Variants in ZNF544 observed in about 807,000 individuals in gnomAD.
ZNF544 encodes the protein zinc finger protein 544.
In ZNF544, 10 loss-of-function variants were observed where a neutral mutation model predicts 13.5. The ratio of observed to expected loss-of-function variants is 0.74; its 90% confidence interval spans 0.46 to 1.25. The LOEUF (loss-of-function observed/expected upper bound fraction) is 1.25, where lower values mean the gene tolerates loss of function less well. ZNF544 is among the 50% of genes most tolerant of loss of function. The pLI, the probability that ZNF544 is intolerant of heterozygous loss-of-function variation, is 0.00. For synonymous variants in ZNF544, 323 were observed against 300.5 expected (o/e 1.07, Z -0.77); for missense variants, 896 against 845.6 (o/e 1.06, Z -0.74).
chr19:58,274,873 A>G (rs1224940038), intron 5 of ZNF544, among the ~76,000 whole-genome samples: 1 of 152,132 alleles, frequency 6.6e-6, no homozygotes, highest in Admixed American at 6.6e-5. Context: ...TGAGAGAGGA[A>G]TAGCACTGGG....
downstream of ZNF544, among the ~76,000 whole-genome samples, chr19:58,264,739 C>T (rs190351959): frequency 3.2e-4 from 49 of 152,208 alleles, no homozygotes; most frequent in African/African-American, 1.2e-3. Flanking sequence ...TGTAATGGCT[C>T]ATGCCTGTAA....
chr19:58,241,382 C>G (rs2043820647), intron 3 of ZNF544, among the ~76,000 whole-genome samples: 1 of 150,744 alleles, frequency 6.6e-6, no homozygotes, highest in African/African-American at 2.4e-5. Flanking sequence ...CTCTGTCTTG[C>G]AAGTTGAATA....
At chr19:58,239,898 C>CAAAA (rs58006684) in intron 3 of ZNF544, among the ~76,000 whole-genome samples, 1 of 127,278 alleles carries the variant, frequency 7.9e-6, no homozygotes, top group Non-Finnish European at 1.7e-5. Context: ...GACTCCATCT[C>CAAAA]AAAAAAAAAA....
downstream of ZNF544, chr19:58,267,676 TAAA>T (rs56839702): frequency 3.7e-5 from 4 of 108,968 alleles, no homozygotes; most frequent in East Asian, 2.7e-4. Context: ...AGACTCCATC[TAAA>T]AAAAAAAAAA....
chr19:58,229,083 A>T (rs1441048143), intron 1 of ZNF544, 137 bp downstream of exon 1: 1 of 152,520 alleles, frequency 6.6e-6, no homozygotes, highest in Non-Finnish European at 1.5e-5. Context: ...GGGGTCCCTC[A>T]TGCGGCGAGG....
In ZNF544 at chr19:58,262,640, T is replaced by C. The variant is rs1224594701; in HGVS notation, c.2034T>C (p.His678=). 3 of 1,614,152 alleles carry C rather than the reference T, an allele frequency of 1.9e-6. No individual in the cohort carries two copies. The African/African-American group carries it at 4.0e-5, about 22-fold the overall frequency. Residue 678 remains histidine (H), a synonymous_variant, in exon 7 of 7, where the codon CAT becomes CAC. Coordinates refer to ENST00000687789, the MANE Select transcript of ZNF544 (RefSeq NM_014480.4). ...CAGGGAGCTCTAACCTTCTTTCCCA[T>C]CACAGAATTCATTCTGGAGAGAAAC... ...AFSGSSNLLS[H]HRIHSGEKPY...
In ZNF544 at chr19:58,261,436, A is replaced by G. The variant is rs1243791840; in HGVS notation, c.830A>G (p.Asn277Ser). The change falls in exon 7 of 7, where the codon AAC becomes AGC. Residue 277 changes from asparagine to serine, a missense_variant. Coordinates refer to ENST00000687789, the MANE Select transcript of ZNF544 (RefSeq NM_014480.4). ...AGTGATGACTGTAAGGATTATGGAA[A>G]CCTCTTCAGTCACAGTGTGTCTCTG... Reference protein sequence around the residue: ...KKSDDCKDYGNLFSHSVSLNE... With the variant: ...KKSDDCKDYGSLFSHSVSLNE... 1.2e-6 allele frequency: 2 copies of G among 1,613,442 alleles called. No individual in the cohort carries two copies. The highest frequency in any genetic ancestry group is 4.5e-5 in the East Asian group (2 of 44,862).
Position 58,261,880 on chromosome 19 carries a change from C to T in ZNF544, c.1274C>T (p.Thr425Ile), listed in dbSNP as rs1269716047. The change falls in exon 7 of 7, where the codon ACA (threonine) becomes ATA (isoleucine). Residue 425 changes from threonine (T) to isoleucine (I), a missense_variant. Coordinates refer to ENST00000687789, the MANE Select transcript of ZNF544 (RefSeq NM_014480.4). ...TTCACCCAGAGATCCAAACTTATTA[C>T]ACATCAGCGAATTCACACTGGAGAA... Reference protein sequence around the residue: ...KSFTQRSKLITHQRIHTGEKP... With the variant: ...KSFTQRSKLIIHQRIHTGEKP... 1 of 1,612,620 alleles carries T rather than the reference C, an allele frequency of 6.2e-7. No individual in the cohort carries two copies. The highest frequency in any genetic ancestry group is 8.5e-7 in the Non-Finnish European group (1 of 1,179,720).
At chr19:58,264,326 G>A (rs1320857533), downstream of ZNF544, among the ~76,000 whole-genome samples, 1 of 147,678 alleles carries the variant, frequency 6.8e-6, no homozygotes, top group African/African-American at 2.5e-5. Context: ...AGAGGTTGCA[G>A]TGAACCAAGA....
chr19:58,236,559 A>G (rs1177567880), intron 3 of ZNF544, among the ~76,000 whole-genome samples: 1 of 151,786 alleles, frequency 6.6e-6, no homozygotes, highest in South Asian at 2.1e-4. Context: ...CATCATTTTG[A>G]GATATATACT....
At chr19:58,243,668 T>G (rs888681546) in intron 3 of ZNF544, among the ~76,000 whole-genome samples, 4 of 152,102 alleles carry the variant, frequency 2.6e-5, no homozygotes, top group African/African-American at 9.7e-5. Flanking sequence ...AAATGTACAA[T>G]TACTTAGACA....
At chr19:58,259,715 T>C (rs1465773536) in intron 6 of ZNF544, 1 of 152,186 alleles carries the variant, frequency 6.6e-6, no homozygotes, top group Non-Finnish European at 1.5e-5. Flanking sequence ...TGTGATTACA[T>C]TTAGAGCCCC....
At chr19:58,253,367 C>A (rs2046627474) in intron 6 of ZNF544, among the ~76,000 whole-genome samples, 1 of 152,108 alleles carries the variant, frequency 6.6e-6, no homozygotes, top group Non-Finnish European at 1.5e-5. Flanking sequence ...GAAAAAAAGC[C>A]TCAAAGTTAA....
chr19:58,274,942 C>A (rs1406921090), intron 5 of ZNF544, among the ~76,000 whole-genome samples: 1 of 152,038 alleles, frequency 6.6e-6, no homozygotes, highest in East Asian at 1.9e-4. Flanking sequence ...GGCAAAGAAA[C>A]CACAGAATAA....
intron 5 of ZNF544, among the ~76,000 whole-genome samples, chr19:58,270,815 T>A (rs1048707921): frequency 6.6e-6 from 1 of 152,126 alleles, no homozygotes; most frequent in African/African-American, 2.4e-5. Flanking sequence ...GATATGTAAG[T>A]TTATTTAGAA....
intron 6 of ZNF544, among the ~76,000 whole-genome samples, chr19:58,255,851 C>T (rs1250764889): frequency 6.6e-6 from 1 of 152,194 alleles, no homozygotes; most frequent in Non-Finnish European, 1.5e-5. Flanking sequence ...GGCAGCTATC[C>T]CCATTTACGC....
intron 5 of ZNF544, among the ~76,000 whole-genome samples, chr19:58,269,867 G>A (rs1266485806): frequency 6.6e-6 from 1 of 152,164 alleles, no homozygotes; most frequent in Non-Finnish European, 1.5e-5. Flanking sequence ...GTTGCAATGA[G>A]TCTAGATCAT....
At position 58,262,540 on chromosome 19, in the gene ZNF544, C is replaced by G; in HGVS notation, c.1934C>G (p.Ser645Cys). The G allele has an allele frequency of 6.2e-7, 1 of 1,614,128 alleles. No individual in the cohort carries two copies. ...TGCAATAAAGCCTTTGCAAGGAGCT[C>G]CTACCTTGTGATGCATCAGAGAACT... ...NQCNKAFARS[S>C]YLVMHQRTHT... Residue 645 changes from serine to cysteine, a missense_variant, in exon 7 of 7, where the codon TCC (serine) becomes TGC (cysteine). Ser to Cys is a moderately radical substitution (Grantham distance 112, BLOSUM62 -1). Transcript: ENST00000687789.
chr19:58,230,309 A>G (rs1260644204), intron 2 of ZNF544, 85 bp from the exon 3 acceptor site: 1 of 152,262 alleles, frequency 6.6e-6, no homozygotes, highest in Non-Finnish European at 1.5e-5. Context: ...CCCCTTTTGC[A>G]GGTTAACACA....
Sources: allele counts gnomAD v4.1 joint callset (sites outside exome capture counted in the v4.1 genomes callset), GRCh38; gene constraint gnomAD v4.1.1; transcripts MANE v1.5; gene names NCBI Gene and HGNC (gene_info 2026-07-23, HGNC 2026-07-21).